The following BBOF1 variants were observed in gnomAD, a reference collection of about 807,000 sequenced individuals.
BBOF1 encodes basal body-orientation factor 1.
BBOF1 carries 62 observed loss-of-function variants against 68.0 expected under a neutral mutation model. The observed-to-expected ratio is 0.91, with a 90% CI of 0.74 to 1.13. The LOEUF (loss-of-function observed/expected upper bound fraction) is 1.13. Among genes scored for constraint, BBOF1 ranks in the 50% most tolerant of loss-of-function variants. BBOF1 has a pLI of 0.00. For synonymous variants in BBOF1, 208 were observed against 198.8 expected, an observed-to-expected ratio of 1.05 and a Z score of -0.39; for missense variants, 534 against 600.1, an observed-to-expected ratio of 0.89 and a Z score of 1.15.
intron 8 of BBOF1, chr14:74,054,796 G>C (rs1483880945): frequency 6.6e-6 from 1 of 152,010 alleles, no homozygotes; most frequent in Admixed American, 7.2e-5. Context: ...CTCCTGCCTC[G>C]GCCTCCTGAG....
intron 7 of BBOF1, 82 bp downstream of exon 7, chr14:74,048,156 A>G: frequency 7.4e-7 from 1 of 1,357,134 alleles, no homozygotes; most frequent in Non-Finnish European, 1.0e-6. Context: ...GGGTATAATA[A>G]TGATATATAA....
chr14:74,066,674 C>G (rs1460081026), downstream of BBOF1: 1 of 1,600,488 alleles, frequency 6.2e-7, no homozygotes, highest in Admixed American at 1.7e-5. Flanking sequence ...GTGCCTTCAG[C>G]TCTCATATTT....
chr14:74,067,260 A>G (rs1193507754), downstream of BBOF1: 1 of 1,178,664 alleles, frequency 8.5e-7, no homozygotes. Flanking sequence ...AGTACAGTAT[A>G]AAGAGAGGAA....
intron 4 of BBOF1, among the ~76,000 whole-genome samples, chr14:74,038,418 G>T (rs1415490101): frequency 1.3e-5 from 2 of 152,120 alleles, no homozygotes; most frequent in Non-Finnish European, 2.9e-5. Flanking sequence ...TTTTTTTAAA[G>T]AACAGTGTTG....
At position 74,057,117 on chromosome 14, in the gene BBOF1, G is replaced by A. The variant is rs374862219; in HGVS notation, c.1464-27G>A. ...GTTTCATGTGTGTAGAGTTGTTGAC[G>A]GTTCTGTTATTTTGTCATTATTGCA... On this transcript the variant is annotated intron_variant, in intron 10 of 11. Transcript: ENST00000394009. The A allele has an allele frequency of 3.0e-5, 48 of 1,604,290 alleles. No homozygotes were observed. In the African/African-American group the frequency reaches 3.2e-4, roughly 11 times the overall value.
chr14:74,037,556 C>G (rs562548780), intron 4 of BBOF1, among the ~76,000 whole-genome samples: 2 of 150,748 alleles, frequency 1.3e-5, no homozygotes, highest in South Asian at 4.2e-4. Context: ...TCACAAAGTG[C>G]TAGGCTTACA....
intron 2 of BBOF1, among the ~76,000 whole-genome samples, chr14:74,025,005 T>C (rs1017468500): frequency 6.6e-6 from 1 of 152,080 alleles, no homozygotes; most frequent in Non-Finnish European, 1.5e-5. Flanking sequence ...TGGCCTTGAG[T>C]GATCCGCCCA....
chr14:74,043,911 G>T (rs2139554618), intron 5 of BBOF1, among the ~76,000 whole-genome samples: 1 of 152,012 alleles, frequency 6.6e-6, no homozygotes, highest in African/African-American at 2.4e-5. Context: ...CTTATTTAGA[G>T]CTCAGATATC....
At chr14:74,024,554 A>G (rs2059381861) in intron 2 of BBOF1, among the ~76,000 whole-genome samples, 1 of 152,104 alleles carries the variant, frequency 6.6e-6, no homozygotes, top group African/African-American at 2.4e-5. Flanking sequence ...CAGGATCGAC[A>G]TCCGGGCTCA....
chr14:74,066,495 A>C (rs2060468074), downstream of BBOF1, among the ~76,000 whole-genome samples: 1 of 152,182 alleles, frequency 6.6e-6, no homozygotes. Context: ...CCCTTTATGG[A>C]AAGTCTGCAG....
In BBOF1 at chr14:74,046,116, C is replaced by T. The variant is rs1159609027; in HGVS notation, c.633C>T (p.His211=). 1 of 1,607,612 alleles carries T rather than the reference C, an allele frequency of 6.2e-7. No homozygotes were observed. The highest frequency in any genetic ancestry group is 1.7e-4 in the Middle Eastern group (1 of 6,060). The change falls in exon 6 of 12, where the codon CAC becomes CAT. Residue 211 remains histidine (H), a synonymous_variant. Coordinates refer to ENST00000394009, the MANE Select transcript of BBOF1 (RefSeq NM_025057.3). ...TAATAATGCTAGCAGAGAGAGCCCACCATGAGGCTATTGTGTAAGAGACTG... is the reference window on the plus strand; with the variant it reads ...TAATAATGCTAGCAGAGAGAGCCCATCATGAGGCTATTGTGTAAGAGACTG... The part of the protein sequence containing the change: ...KKIIMLAERA[H]HEAIVQLNDA...
rs918680042 is a variant in BBOF1 at position 74,059,592 on chromosome 14, G to C, written c.1578+2334G>C. The C allele has an allele frequency of 5.7e-5, 15 of 261,844 alleles. No homozygotes were observed. The highest frequency in any genetic ancestry group is 1.5e-5 in the Non-Finnish European group (2 of 132,144). 16.2% of individuals were successfully genotyped at this position (261,844 alleles called of 1,614,324 possible). ...TGCCTGTAATCCCAGCTACTAGGGGGGCTGAGGCAGGAGAATCGCTTGAAC... is the reference window on the plus strand; with the variant it reads ...TGCCTGTAATCCCAGCTACTAGGGGCGCTGAGGCAGGAGAATCGCTTGAAC... On this transcript the variant is annotated intron_variant, in intron 11 of 11. Coordinates refer to ENST00000394009, the MANE Select transcript of BBOF1 (RefSeq NM_025057.3).
At chr14:74,048,964 C>T (rs999466888) in intron 7 of BBOF1, among the ~76,000 whole-genome samples, 11 of 152,146 alleles carry the variant, frequency 7.2e-5, no homozygotes, top group Non-Finnish European at 1.5e-4. Flanking sequence ...CCTTTACCTC[C>T]TGGGTTCAAG....
rs1309044826 is a variant in BBOF1 at position 74,064,754 on chromosome 14, C to A, written c.*55C>A. 14 of 1,611,732 alleles carry A rather than the reference C, an allele frequency of 8.7e-6. No individual in the cohort carries two copies. Among genetic ancestry groups the A allele is most frequent in the Non-Finnish European group, 1.2e-5 (14 of 1,177,930 alleles). ...GCTGGCAGTCCCTTCCTTGCAGAAT[C>A]CTTGCTCCTGAATATCTTTAAGAAA... On this transcript the variant is annotated 3_prime_UTR_variant, in exon 12 of 12. Transcript: ENST00000394009.
chr14:74,055,014 T>G (rs914550145), intron 8 of BBOF1: 1 of 153,164 alleles, frequency 6.5e-6, no homozygotes, highest in Non-Finnish European at 1.5e-5. Context: ...TGAGCACAAA[T>G]ATTTTTTCAT....
chr14:74,066,722 T>C, downstream of BBOF1: 1 of 1,614,130 alleles, frequency 6.2e-7, no homozygotes, highest in South Asian at 1.1e-5. Context: ...TTCGAGATGA[T>C]GGTTGGTCCA....
chr14:74,028,433 T>C (rs1226708230), intron 2 of BBOF1, among the ~76,000 whole-genome samples: 1 of 150,756 alleles, frequency 6.6e-6, no homozygotes, highest in Non-Finnish European at 1.5e-5. Flanking sequence ...AAAGGTCATC[T>C]TGAAATTGAC....
downstream of BBOF1, chr14:74,068,789 G>T: frequency 1.9e-6 from 3 of 1,562,546 alleles, no homozygotes; most frequent in Non-Finnish European, 2.6e-6. Flanking sequence ...TGGCCTCTCT[G>T]CTGAAGGTCT....
intron 11 of BBOF1, chr14:74,059,455 G>A (rs2060290542): frequency 2.2e-6 from 1 of 450,642 alleles, no homozygotes; most frequent in Non-Finnish European, 4.4e-6. Flanking sequence ...CAGCACTTTG[G>A]GAGGCCGAGG....
Sources: allele counts gnomAD v4.1 joint callset (sites outside exome capture counted in the v4.1 genomes callset), GRCh38; gene constraint gnomAD v4.1.1; transcripts MANE v1.5; gene names NCBI Gene and HGNC (gene_info 2026-07-23, HGNC 2026-07-21).